The following LRRK1 variants were observed in gnomAD, a reference collection of about 807,000 sequenced individuals.
The protein encoded by LRRK1 is leucine rich repeat kinase 1.
In LRRK1, 113 loss-of-function variants were observed where a neutral mutation model predicts 209.1. That is an observed-to-expected ratio of 0.54 (90% confidence interval 0.46 to 0.63). The LOEUF (loss-of-function observed/expected upper bound fraction) is 0.63, where lower values mean the gene tolerates loss of function less well. LRRK1 is among the 30% of genes least tolerant of loss of function. LRRK1 has a pLI of 0.00. For synonymous variants in LRRK1, 1,144 were observed against 1,099.7 expected (o/e 1.04, Z -0.80); for missense variants, 2,284 against 2,632.2 (o/e 0.87, Z 2.89).
rs1244207327 is a variant in LRRK1, at chr15:101,070,662, T to C, written c.*1814T>C. ...CTCATCACATCACAGTTAGAAATCA[T>C]ACAGGCCTAAAGTCCCAGCTACCCA... is the stretch of plus-strand genomic sequence containing the variant. On this transcript the variant is annotated 3_prime_UTR_variant, in exon 34 of 34. Transcript: ENST00000388948. The C allele has an allele frequency of 6.6e-6, 1 of 151,806 alleles. No individual in the cohort carries two copies. The highest frequency in any genetic ancestry group is 2.4e-5 in the African/African-American group (1 of 41,258). 9.4% of individuals were successfully genotyped at this position (151,806 alleles called of 1,614,324 possible). A position where few individuals can be genotyped will look rare whatever the true frequency, so the allele number is the denominator to read the frequency against.
At chr15:100,957,246 T>C (rs767023301) in intron 2 of LRRK1, among the ~76,000 whole-genome samples, 62 of 152,256 alleles carry the variant, frequency 4.1e-4, no homozygotes, top group Non-Finnish European at 4.7e-4. Context: ...CCACGTGTGC[T>C]TGAGAAAAAA....
chr15:100,928,465 T>C lies in LRRK1; in HGVS notation c.97+3736T>C, dbSNP rs151212582. ...TCCACCAGCCTCACTCAGGGAACAC[T>C]GTTCAGGCCTAATTTCCAGCTCCGG... On this transcript the variant is annotated intron_variant, in intron 2 of 33. Transcript: ENST00000388948. Among the ~76,000 whole-genome samples, 1,231 of 152,294 alleles carry C rather than the reference T, an allele frequency of 8.1e-3. 14 individuals are homozygous for C. Among genetic ancestry groups the C allele is most frequent in the African/African-American group, 0.028 (1,168 of 41,548 alleles).
intron 20 of LRRK1, 119 bp downstream of exon 20, chr15:101,029,351 C>T (rs562785920): frequency 1.2e-4 from 131 of 1,061,858 alleles, no homozygotes; most frequent in Non-Finnish European, 1.7e-4. Flanking sequence ...CCACTGCTGC[C>T]CCCTACGGAC....
chr15:101,065,474 C>T lies in LRRK1; in HGVS notation c.5037C>T (p.Phe1679=), dbSNP rs752304825. The part of the protein sequence containing the change: ...LCSHTANRSK[F]SIADEDARQN... ...CACACACAGCCAACAGGTCCAAGTT[C>T]AGCATCGCGGATGAAGACGCACGGC... The change falls in exon 32 of 34, where the codon TTC becomes TTT. Residue 1679 remains phenylalanine, a synonymous_variant. Coordinates refer to ENST00000388948, the MANE Select transcript of LRRK1 (RefSeq NM_024652.6). 1.2e-6 allele frequency: 2 copies of T among 1,614,238 alleles called. No individual in the cohort carries two copies. Among genetic ancestry groups the T allele is most frequent in the South Asian group, 2.2e-5 (2 of 91,090 alleles).
At position 101,022,103 on chromosome 15, in the gene LRRK1, C is replaced by T. The variant is rs1289934022; in HGVS notation, c.1852+146C>T. ...ATTTGACAAGATGCTATAAAATTGT[C>T]CCTAAAGCAATCGTTACTGAGGGTC... is the stretch of plus-strand genomic sequence containing the variant. On this transcript the variant is annotated intron_variant, in intron 14 of 33. Transcript: ENST00000388948. This position sits in a 1 kb window ranked among gnomAD's most constrained non-coding sequence, Gnocchi z 4.0. The T allele has an allele frequency of 1.5e-6, 1 of 657,236 alleles. No homozygotes were observed. Among genetic ancestry groups the T allele is most frequent in the African/African-American group, 1.8e-5 (1 of 54,932 alleles). 40.7% of individuals were successfully genotyped at this position (657,236 alleles called of 1,614,324 possible).
intron 30 of LRRK1, among the ~76,000 whole-genome samples, chr15:101,061,520 G>T (rs565217370): frequency 6.6e-6 from 1 of 152,248 alleles, no homozygotes; most frequent in East Asian, 1.9e-4. Context: ...CGGGATTTGC[G>T]ATGGTGAGGA....
chr15:101,066,277 A>T, intron 32 of LRRK1, 72 bp downstream of exon 32: 1 of 1,512,744 alleles, frequency 6.6e-7, no homozygotes, highest in South Asian at 1.3e-5. Flanking sequence ...GAGCAAGGGG[A>T]AGCCCCCTGG....
chr15:101,053,780 C>T (rs942310927), intron 26 of LRRK1, among the ~76,000 whole-genome samples: 4 of 132,984 alleles, frequency 3.0e-5, no homozygotes, highest in Middle Eastern at 4.0e-3. Context: ...CACACGTACA[C>T]GGCTGCTGAG....
intron 32 of LRRK1, 69 bp from the exon 33 acceptor site, chr15:101,066,571 A>C: frequency 6.9e-7 from 1 of 1,444,074 alleles, no homozygotes; most frequent in Non-Finnish European, 9.7e-7. Flanking sequence ...CTTTCTGCAC[A>C]CCGGCTTCAC....
intron 2 of LRRK1, among the ~76,000 whole-genome samples, chr15:100,934,824 G>C (rs977351297): frequency 7.2e-6 from 1 of 139,100 alleles, no homozygotes; most frequent in African/African-American, 2.6e-5. Flanking sequence ...AAAAAAAAAG[G>C]AAGGAAGAAG....
In LRRK1 at chr15:101,010,490, C is replaced by G. The variant is rs1447370113; in HGVS notation, c.1030C>G (p.Leu344Val). ...CATTTCCAGCAACAAGTTGTCCCAC[C>G]TCCCTCCTGGATTCTTGCACCTCTC... ...IDISSNKLSHLPPGFLHLSKL... is the reference protein window; with the variant it reads ...IDISSNKLSHVPPGFLHLSKL... Residue 344 changes from leucine to valine, a missense_variant, in exon 8 of 34, where the codon CTC becomes GTC. Coordinates refer to ENST00000388948, the MANE Select transcript of LRRK1 (RefSeq NM_024652.6). The G allele has an allele frequency of 1.2e-6, 2 of 1,612,236 alleles. No homozygotes were observed. Among genetic ancestry groups the G allele is most frequent in the Non-Finnish European group, 1.7e-6 (2 of 1,179,574 alleles).
At chr15:101,045,293 C>T (rs1249845919) in intron 20 of LRRK1, among the ~76,000 whole-genome samples, 1 of 152,248 alleles carries the variant, frequency 6.6e-6, no homozygotes, top group Non-Finnish European at 1.5e-5. Context: ...CCGTCCTGTA[C>T]CTGTCCAGTG....
chr15:101,013,278 A>C (rs111503861), intron 10 of LRRK1, among the ~76,000 whole-genome samples: 2 of 152,128 alleles, frequency 1.3e-5, no homozygotes, highest in Non-Finnish European at 2.9e-5. Flanking sequence ...AGCCCCTTCA[A>C]CAAGGAAGGA....
At chr15:101,035,469 C>G (rs912718932) in intron 20 of LRRK1, among the ~76,000 whole-genome samples, 6 of 152,076 alleles carry the variant, frequency 3.9e-5, no homozygotes, top group African/African-American at 1.4e-4. Context: ...ATAGCGATGT[C>G]TGCTTGCTTT....
At chr15:101,008,601 C>A (rs1489150186) in intron 6 of LRRK1, among the ~76,000 whole-genome samples, 1 of 152,226 alleles carries the variant, frequency 6.6e-6, no homozygotes, top group Non-Finnish European at 1.5e-5. Flanking sequence ...GGGTGACTTG[C>A]AGGCGCTGTG....
At chr15:100,981,391 C>T (rs1445277671) in intron 3 of LRRK1, among the ~76,000 whole-genome samples, 4 of 152,158 alleles carry the variant, frequency 2.6e-5, no homozygotes, top group African/African-American at 9.7e-5. Context: ...TGGGCCTCAC[C>T]CTGGGCAGAG....
intron 3 of LRRK1, among the ~76,000 whole-genome samples, chr15:100,975,477 G>T (rs2031240399): frequency 6.6e-6 from 1 of 152,226 alleles, no homozygotes; most frequent in South Asian, 2.1e-4. Context: ...TCCAGGGTGT[G>T]TGTCTCTTCT....
Position 101,027,839 on chromosome 15 carries a change from T to C in LRRK1, c.2686+42T>C. On this transcript the variant is annotated intron_variant, in intron 19 of 33. Transcript: ENST00000388948. This position sits in a 1 kb window ranked among gnomAD's most constrained non-coding sequence, Gnocchi z 5.1. ...TAGGTGGCAGGGTGCCCGTGAGAAA[T>C]GGAACTGTCTGTACTTGCTAACTTC... 1.3e-6 allele frequency: 2 copies of C among 1,515,014 alleles called. No homozygotes were observed. The highest frequency in any genetic ancestry group is 1.8e-6 in the Non-Finnish European group (2 of 1,123,328). The allele number at this position is 1,515,014 out of a possible 1,614,324, so 93.8% of individuals were successfully genotyped here.
chr15:101,047,527 C>G (rs949443026), intron 21 of LRRK1, among the ~76,000 whole-genome samples: 3 of 152,232 alleles, frequency 2.0e-5, no homozygotes, highest in African/African-American at 7.2e-5. Context: ...AGCAGCTTCC[C>G]TCACTCGAAG....
Sources: gnomAD v4.1 joint callset for allele counts (sites outside exome capture counted in the v4.1 genomes callset) on GRCh38, gnomAD v4.1.1 for gene constraint, Gnocchi (gnomAD v3.1) non-coding constraint, MANE v1.5 for transcripts, NCBI Gene and HGNC (gene_info 2026-07-23, HGNC 2026-07-21) for gene names.